CHCHD3: variants seen among roughly 807,000 people sequenced by gnomAD.
CHCHD3 encodes the protein coiled-coil-helix-coiled-coil-helix domain containing 3, also known as MICOS complex subunit MIC19.
CHCHD3 carries 20 observed loss-of-function variants against 38.2 expected under a neutral mutation model. That is an observed-to-expected ratio of 0.52 (90% confidence interval 0.37 to 0.76). The LOEUF (loss-of-function observed/expected upper bound fraction) is 0.76, where lower values mean the gene tolerates loss of function less well. Ranked by LOEUF, CHCHD3 falls within the 30% of genes least tolerant of loss-of-function variation. The pLI is 0.00. For missense variants in CHCHD3, 245 were observed against 279.2 expected, an observed-to-expected ratio of 0.88 and a Z score of 0.87; for synonymous variants, 82 against 100.0, an observed-to-expected ratio of 0.82 and a Z score of 1.07.
At chr7:133,005,330 C>T (rs1241535922) in intron 3 of CHCHD3, among the ~76,000 whole-genome samples, 8 of 152,194 alleles carry the variant, frequency 5.3e-5, no homozygotes, top group Non-Finnish European at 1.0e-4. Context: ...TAGGCTCATC[C>T]TCACTCGAGG....
At chr7:133,003,619 T>C (rs1352972196) in intron 3 of CHCHD3, among the ~76,000 whole-genome samples, 1 of 152,212 alleles carries the variant, frequency 6.6e-6, no homozygotes, top group Admixed American at 6.5e-5. Context: ...TTTTTCTTAC[T>C]ATGACAATGC....
rs186411617 is a variant in CHCHD3, at chr7:132,805,663, T to C, written c.525-9086A>G. On this transcript the variant is annotated intron_variant, in intron 6 of 7. Transcript: ENST00000262570. ...TACCATCTTGAGAAGGCGGATCCAG[T>C]GTAAAAATAAATCAGATGGATAGAA... Among the ~76,000 whole-genome samples the C allele has an allele frequency of 6.3e-3, 957 of 152,092 alleles. 9 individuals are homozygous for C. Among genetic ancestry groups the C allele is most frequent in the Non-Finnish European group, 0.011 (726 of 67,988 alleles).
intron 6 of CHCHD3, among the ~76,000 whole-genome samples, chr7:132,797,299 C>T (rs368590494): frequency 1.3e-5 from 2 of 152,082 alleles, no homozygotes; most frequent in Non-Finnish European, 2.9e-5. Flanking sequence ...AAATGCTCTA[C>T]GCCCAAACTC....
chr7:132,960,949 T>C (rs923610434), intron 4 of CHCHD3, among the ~76,000 whole-genome samples: 1 of 152,060 alleles, frequency 6.6e-6, no homozygotes, highest in Admixed American at 6.6e-5. Context: ...CACTCCAGCC[T>C]GTGTGACAGA....
chr7:132,960,623 A>G (rs1811293370), intron 4 of CHCHD3, among the ~76,000 whole-genome samples: 1 of 152,206 alleles, frequency 6.6e-6, no homozygotes. Context: ...GGAGGTGTTT[A>G]GAAAGGAGAA....
chr7:132,877,414 T>C (rs886295886), intron 5 of CHCHD3, among the ~76,000 whole-genome samples: 4 of 152,194 alleles, frequency 2.6e-5, no homozygotes, highest in Non-Finnish European at 5.9e-5. Flanking sequence ...ATATCTGCAA[T>C]AATAAACTTC....
At chr7:132,871,640 C>T (rs1418410346) in intron 5 of CHCHD3, among the ~76,000 whole-genome samples, 1 of 152,072 alleles carries the variant, frequency 6.6e-6, no homozygotes, top group East Asian at 1.9e-4. Context: ...CACAGATCGT[C>T]CATGAAGGCA....
intron 6 of CHCHD3, among the ~76,000 whole-genome samples, chr7:132,834,951 T>TATTG (rs1807740778): frequency 1.2e-5 from 1 of 82,642 alleles, no homozygotes; most frequent in African/African-American, 3.7e-5. Flanking sequence ...TCCTCTCATT[T>TATTG]ATTTATTTAT....
Position 133,035,317 on chromosome 7 carries a change from C to T in CHCHD3, c.170-10690G>A. On this transcript the variant is annotated intron_variant, in intron 2 of 7. Coordinates refer to ENST00000262570, the MANE Select transcript of CHCHD3 (RefSeq NM_017812.4). The surrounding 1 kb of genome is among the most constrained non-coding windows in gnomAD (Gnocchi z 4.7). The stretch of plus-strand genomic sequence containing the variant: ...CACAGTTTCAGTTCCCCCAAGACAG[C>T]CCGGAACTGGGGCTGGTTAATGCAG... The T allele has an allele frequency of 1.2e-6, 2 of 1,611,348 alleles. No individual in the cohort carries two copies. Among genetic ancestry groups the T allele is most frequent in the Non-Finnish European group, 1.7e-6 (2 of 1,177,514 alleles).
chr7:133,073,376 C>G (rs960247214), intron 1 of CHCHD3, among the ~76,000 whole-genome samples: 14 of 152,142 alleles, frequency 9.2e-5, no homozygotes, highest in Admixed American at 9.2e-4. Context: ...CTAATAAATT[C>G]CATTAATAAA....
At chr7:132,994,894 C>T (rs902385747) in intron 3 of CHCHD3, among the ~76,000 whole-genome samples, 5 of 152,170 alleles carry the variant, frequency 3.3e-5, no homozygotes, top group African/African-American at 7.2e-5. Context: ...ACAACATCAG[C>T]ACCCACCATG....
At chr7:132,979,582 T>C (rs1233401024) in intron 3 of CHCHD3, among the ~76,000 whole-genome samples, 1 of 152,186 alleles carries the variant, frequency 6.6e-6, no homozygotes, top group Non-Finnish European at 1.5e-5. Flanking sequence ...AGAAAGTGTC[T>C]TAGGCAGAGG....
intron 4 of CHCHD3, among the ~76,000 whole-genome samples, chr7:132,961,273 C>A (rs947283209): frequency 6.6e-6 from 1 of 152,096 alleles, no homozygotes; most frequent in Admixed American, 6.6e-5. Context: ...CAGAGAAAGA[C>A]CCTGTCCCAC....
chr7:132,888,216 G>A (rs1809264722), intron 4 of CHCHD3, among the ~76,000 whole-genome samples: 1 of 151,686 alleles, frequency 6.6e-6, no homozygotes, highest in African/African-American at 2.4e-5. Context: ...GTCAACAGAG[G>A]TTACAGCAGA....
chr7:132,920,886 A>G (rs1300883248), intron 4 of CHCHD3, among the ~76,000 whole-genome samples: 1 of 152,118 alleles, frequency 6.6e-6, no homozygotes, highest in African/African-American at 2.4e-5. Context: ...TGTAATGAAA[A>G]CAGCAAACCT....
chr7:132,837,882 C>A (rs1384616211), intron 6 of CHCHD3, among the ~76,000 whole-genome samples: 3 of 152,110 alleles, frequency 2.0e-5, no homozygotes, highest in African/African-American at 7.2e-5. Flanking sequence ...TTAAACACTC[C>A]AAGGATTAAG....
intron 2 of CHCHD3, among the ~76,000 whole-genome samples, chr7:133,057,202 A>G (rs751688592): frequency 2.0e-5 from 3 of 152,194 alleles, no homozygotes; most frequent in Non-Finnish European, 4.4e-5. Flanking sequence ...TTGTTCAACT[A>G]AAAGAATTTT....
At chr7:133,053,546 T>G (rs987801290) in intron 2 of CHCHD3, among the ~76,000 whole-genome samples, 4 of 152,192 alleles carry the variant, frequency 2.6e-5, no homozygotes, top group Non-Finnish European at 5.9e-5. Flanking sequence ...CTATGAAGAA[T>G]CCCTAGTAAC....
intron 4 of CHCHD3, chr7:132,973,484 T>C: frequency 1.0e-6 from 1 of 985,564 alleles, no homozygotes. Context: ...TCTTTAATTC[T>C]GAAATTATTC....
Sources: allele counts gnomAD v4.1 joint callset (sites outside exome capture counted in the v4.1 genomes callset), GRCh38; gene constraint gnomAD v4.1.1; non-coding constraint Gnocchi (gnomAD v3.1); transcripts MANE v1.5; gene names NCBI Gene and HGNC (gene_info 2026-07-23, HGNC 2026-07-21).